The following HMCN1 variants were observed in gnomAD, a reference collection of about 807,000 sequenced individuals.
HMCN1 encodes the protein hemicentin 1.
HMCN1 carries 321 observed loss-of-function variants against 625.9 expected under a neutral mutation model. The observed-to-expected ratio is 0.51, with a 90% CI of 0.47 to 0.56. The LOEUF (loss-of-function observed/expected upper bound fraction) is 0.56, where lower values mean the gene tolerates loss of function less well. HMCN1 is among the 20% of genes least tolerant of loss of function. The probability of loss-of-function intolerance (pLI) is 0.00; values close to 1 mark genes in which losing one functional copy is unlikely to be tolerated. For synonymous variants in HMCN1, 2,425 were observed against 2,417.6 expected (o/e 1.00, Z -0.09); for missense variants, 6,588 against 6,887.3 (o/e 0.96, Z 1.54).
chr1:185,770,284 A>G (rs1466719670), intron 1 of HMCN1, among the ~76,000 whole-genome samples: 2 of 152,200 alleles, frequency 1.3e-5, no homozygotes, highest in African/African-American at 2.4e-5. Context: ...TTTTTCAGAG[A>G]GAGTATATAT....
intron 86 of HMCN1, among the ~76,000 whole-genome samples, chr1:186,135,679 C>T (rs9286860): frequency 0.38 from 58,425 of 152,008 alleles, 12,849 homozygotes; most frequent in East Asian, 0.6. Context: ...CAAAACCCTG[C>T]AGTCATGAGT....
At chr1:186,144,382 A>G (rs765860564) in intron 90 of HMCN1, 39 bp downstream of exon 90, 4 of 1,601,606 alleles carry the variant, frequency 2.5e-6, no homozygotes, top group Non-Finnish European at 3.4e-6. Context: ...ATAAATTAAC[A>G]TCTACCTATC....
intron 4 of HMCN1, among the ~76,000 whole-genome samples, chr1:185,873,645 T>G (rs993490117): frequency 3.3e-5 from 5 of 152,064 alleles, no homozygotes; most frequent in African/African-American, 9.7e-5. Flanking sequence ...AAGCTTTTTT[T>G]GTTAAAAAGC....
At chr1:186,065,939 A>G (rs542836809) in intron 49 of HMCN1, among the ~76,000 whole-genome samples, 1 of 152,338 alleles carries the variant, frequency 6.6e-6, no homozygotes, top group East Asian at 1.9e-4. Flanking sequence ...AATTTATTGT[A>G]TTAGATTCCT....
chr1:186,074,782 A>G lies in HMCN1; in HGVS notation c.8181A>G (p.Gly2727=). 1.9e-6 allele frequency: 3 copies of G among 1,613,030 alleles called. No homozygotes were observed. The highest frequency in any genetic ancestry group is 2.5e-6 in the Non-Finnish European group (3 of 1,179,322). Residue 2727 remains glycine (G), a synonymous_variant, in exon 53 of 107, where the codon GGA becomes GGG. Transcript: ENST00000271588. ...SDDHVNIAAN[G]HTLQIKEAQI... ...ATCATGTTAATATTGCTGCGAATGG[A>G]CACACACTTCAAATAAAGGAGGCTC...
chr1:185,798,122 A>G (rs1658529138), intron 1 of HMCN1, among the ~76,000 whole-genome samples: 1 of 151,586 alleles, frequency 6.6e-6, no homozygotes, highest in African/African-American at 2.4e-5. Flanking sequence ...TTTAGCATTT[A>G]CTCGTCTGGG....
chr1:186,063,485 G>GGAAA (rs1657905807), intron 48 of HMCN1, among the ~76,000 whole-genome samples: 6 of 145,434 alleles, frequency 4.1e-5, no homozygotes, highest in Non-Finnish European at 9.2e-5. Context: ...AAGGAAGGAA[G>GGAAA]GAAGGAAGGA....
chr1:186,088,807 T>C, intron 63 of HMCN1, 52 bp downstream of exon 63: 3 of 1,512,280 alleles, frequency 2.0e-6, no homozygotes, highest in Non-Finnish European at 2.7e-6. Context: ...ATTCCATTTA[T>C]AGTACAAAAT....
intron 74 of HMCN1, 94 bp downstream of exon 74, chr1:186,115,040 G>A: frequency 1.3e-6 from 2 of 1,558,160 alleles, no homozygotes; most frequent in East Asian, 4.5e-5. Flanking sequence ...GACATTGAAG[G>A]CTAGTTAAGC....
At chr1:185,953,465 G>A (rs960204458) in intron 11 of HMCN1, among the ~76,000 whole-genome samples, 24 of 151,890 alleles carry the variant, frequency 1.6e-4, no homozygotes, top group African/African-American at 2.2e-4. Context: ...CGGATAAAAC[G>A]TGTCTCCTTT....
intron 80 of HMCN1, among the ~76,000 whole-genome samples, chr1:186,120,450 T>C (rs1661347937): frequency 6.6e-6 from 1 of 152,210 alleles, no homozygotes; most frequent in Admixed American, 6.5e-5. Context: ...CCATTCTCTC[T>C]ACAATACTAC....
In HMCN1 at chr1:186,064,653, CA is replaced by C. The variant is rs1223829858; in HGVS notation, c.7514-578del. 2.0e-5 allele frequency among the ~76,000 whole-genome samples: 3 copies of C among 151,274 alleles called. No individual in the cohort carries two copies. The South Asian group carries it at 6.3e-4, about 32-fold the overall frequency. ...TGAAACCCCGTCTCTACTAAAAATA[CA>C]AAAAAATTAGCCGGGTGTGGTAGCA... On this transcript the variant is annotated intron_variant, in intron 48 of 106. Transcript: ENST00000271588.
At chr1:185,900,814 A>G (rs1665763818) in intron 4 of HMCN1, among the ~76,000 whole-genome samples, 2 of 151,930 alleles carry the variant, frequency 1.3e-5, no homozygotes, top group Non-Finnish European at 2.9e-5. Flanking sequence ...ATCAGAGTAG[A>G]GATATACAAA....
At chr1:185,945,696 A>G (rs538220987) in intron 11 of HMCN1, among the ~76,000 whole-genome samples, 7 of 152,302 alleles carry the variant, frequency 4.6e-5, no homozygotes, top group African/African-American at 1.7e-4. Flanking sequence ...AGTCTTTGCT[A>G]GGAAGAAGTC....
intron 67 of HMCN1, among the ~76,000 whole-genome samples, chr1:186,094,974 A>G (rs936735913): frequency 2.6e-5 from 4 of 152,182 alleles, no homozygotes; most frequent in Non-Finnish European, 4.4e-5. Flanking sequence ...GGATAGAGTG[A>G]AGAAGTTGAA....
At chr1:185,906,398 G>A (rs768150661) in intron 4 of HMCN1, among the ~76,000 whole-genome samples, 16 of 151,806 alleles carry the variant, frequency 1.1e-4, no homozygotes, top group African/African-American at 2.7e-4. Flanking sequence ...AAATGTTGGT[G>A]AATTGGAAGC....
At chr1:186,185,038 C>T (rs1558290357) in intron 105 of HMCN1, among the ~76,000 whole-genome samples, 1 of 152,052 alleles carries the variant, frequency 6.6e-6, no homozygotes, top group East Asian at 1.9e-4. Flanking sequence ...AGAAGAGGGC[C>T]ACCTGCCCAG....
rs1180309196 is a variant in HMCN1 at position 186,130,096 on chromosome 1, G to A, written c.13035G>A (p.Val4345=). 1.2e-6 allele frequency: 2 copies of A among 1,612,920 alleles called. No homozygotes were observed. Among genetic ancestry groups the A allele is most frequent in the Non-Finnish European group, 1.7e-6 (2 of 1,179,258 alleles). The change falls in exon 84 of 107, where the codon GTG becomes GTA. Residue 4345 remains valine, a synonymous_variant. Transcript: ENST00000271588. Reference sequence around the variant, plus strand: ...TGAAGGCAATTGGATTTGTTTATGTGAAAGGTAGGGAAAAGCGCTCCATTT... The same window carrying A: ...TGAAGGCAATTGGATTTGTTTATGTAAAAGGTAGGGAAAAGCGCTCCATTT... ...GFVKAIGFVY[V]KEPPVFKGDY... is the part of the protein sequence containing the mutation.
intron 1 of HMCN1, among the ~76,000 whole-genome samples, chr1:185,811,717 T>C (rs903056803): frequency 1.4e-5 from 2 of 145,490 alleles, no homozygotes; most frequent in African/African-American, 5.2e-5. Flanking sequence ...CTTATTTCTC[T>C]TTCCCTTGCT....
Sources: allele counts gnomAD v4.1 joint callset (sites outside exome capture counted in the v4.1 genomes callset), GRCh38; gene constraint gnomAD v4.1.1; transcripts MANE v1.5; gene names NCBI Gene and HGNC (gene_info 2026-07-23, HGNC 2026-07-21).